WDFY3: variants seen among roughly 807,000 people sequenced by gnomAD.
WDFY3 encodes WD repeat and FYVE domain containing 3, also known as WD repeat and FYVE domain-containing protein 3.
In WDFY3, 66 loss-of-function variants were observed where a neutral mutation model predicts 409.6. The observed-to-expected ratio is 0.16, with a 90% confidence interval of 0.13 to 0.20. The LOEUF (loss-of-function observed/expected upper bound fraction) is 0.20, where lower values mean the gene tolerates loss of function less well. Among genes scored for constraint, WDFY3 ranks in the 10% least tolerant of loss-of-function variants. The pLI is 1.00. For missense variants in WDFY3, 3,031 were observed against 4,298.1 expected, an observed-to-expected ratio of 0.71 and a Z score of 8.24; for synonymous variants, 1,521 against 1,537.1, an observed-to-expected ratio of 0.99 and a Z score of 0.25.
At chr4:84,715,959 G>C (rs1410808403) in intron 49 of WDFY3, among the ~76,000 whole-genome samples, 2 of 151,286 alleles carry the variant, frequency 1.3e-5, no homozygotes, top group African/African-American at 4.8e-5. Context: ...TAAAATTATA[G>C]TAAGGATGTA....
intron 51 of WDFY3, among the ~76,000 whole-genome samples, chr4:84,711,982 A>G (rs1732980179): frequency 6.6e-6 from 1 of 152,120 alleles, no homozygotes; most frequent in African/African-American, 2.4e-5. Context: ...AAGAGCCTTA[A>G]AATTCCTACT....
rs868652354 is a variant in WDFY3 at position 84,794,429 on chromosome 4, G to A, written c.3487+90C>T. 3.1e-5 allele frequency: 39 copies of A among 1,248,478 alleles called. No individual in the cohort carries two copies. The African/African-American group carries it at 4.3e-4, about 14-fold the overall frequency. The allele number at this position is 1,248,478 out of a possible 1,614,324, so 77.3% of individuals were successfully genotyped here. A position where few individuals can be genotyped will look rare whatever the true frequency, so the allele number is the denominator to read the frequency against. The stretch of plus-strand genomic sequence containing the variant: ...ATGCTATAATAATTTAAGCTGAAAA[G>A]TTATTATTAGCTGGACTTTTAAAAT... On this transcript the variant is annotated intron_variant, in intron 21 of 67. Transcript: ENST00000295888.
chr4:84,674,810 G>A (rs1340355691), intron 67 of WDFY3, among the ~76,000 whole-genome samples: 4 of 149,582 alleles, frequency 2.7e-5, no homozygotes, highest in African/African-American at 9.9e-5. Flanking sequence ...GGAGGCTGCA[G>A]TGAGCCGAGA....
intron 19 of WDFY3, among the ~76,000 whole-genome samples, chr4:84,795,727 A>G (rs1435637011): frequency 2.0e-5 from 3 of 151,668 alleles, no homozygotes; most frequent in African/African-American, 7.3e-5. Context: ...GCGCCATTGC[A>G]CTCCAGCCTG....
Position 84,687,995 on chromosome 4 carries a change from C to T in WDFY3, c.9543+91G>A, listed in dbSNP as rs1728615733. On this transcript the variant is annotated intron_variant, in intron 62 of 67. Transcript: ENST00000295888. Reference sequence around the variant, plus strand: ...GGTAGCCTCCTGAGCAGCTGCAACTCAGACATGTTCCCCTGAGCCCCACCA... The same window carrying T: ...GGTAGCCTCCTGAGCAGCTGCAACTTAGACATGTTCCCCTGAGCCCCACCA... The T allele has an allele frequency of 7.9e-6, 11 of 1,393,380 alleles. No homozygotes were observed. In the Admixed American group the frequency reaches 1.1e-4, roughly 14 times the overall value. 86.3% of individuals were successfully genotyped at this position (1,393,380 alleles called of 1,614,324 possible). A position where few individuals can be genotyped will look rare whatever the true frequency, so the allele number is the denominator to read the frequency against.
At chr4:84,801,134 TACACATG>T (rs1200927677) in intron 17 of WDFY3, among the ~76,000 whole-genome samples, 2 of 152,182 alleles carry the variant, frequency 1.3e-5, no homozygotes, top group Non-Finnish European at 2.9e-5. Context: ...TACATGAATC[TACACATG>T]ATACAATAAC....
At chr4:84,932,188 C>T (rs1315425350) in intron 2 of WDFY3, 82 bp downstream of exon 2, 1 of 152,128 alleles carries the variant, frequency 6.6e-6, no homozygotes, top group Non-Finnish European at 1.5e-5. Context: ...ACTGGTCTTG[C>T]TGCTGCACAA....
intron 51 of WDFY3, among the ~76,000 whole-genome samples, chr4:84,709,658 A>G (rs1224088188): frequency 1.3e-5 from 2 of 152,222 alleles, no homozygotes; most frequent in Admixed American, 6.5e-5. Context: ...AATGTAATAT[A>G]TATTTTTTAC....
intron 32 of WDFY3, among the ~76,000 whole-genome samples, chr4:84,757,787 C>A (rs936222831): frequency 1.3e-5 from 2 of 152,014 alleles, no homozygotes; most frequent in Admixed American, 6.6e-5. Context: ...ATTTCATTGT[C>A]CTGAAAATCA....
intron 2 of WDFY3, among the ~76,000 whole-genome samples, chr4:84,930,063 C>T (rs887942353): frequency 7.9e-5 from 12 of 152,094 alleles, no homozygotes; most frequent in African/African-American, 2.4e-4. Context: ...GCAACACTGG[C>T]GTCAGACTTC....
chr4:84,833,661 AAAAAGAAAAG>A (rs1170304084), intron 7 of WDFY3, among the ~76,000 whole-genome samples: 68 of 149,956 alleles, frequency 4.5e-4, no homozygotes, highest in Middle Eastern at 3.4e-3. Context: ...CTCAAAAGAG[AAAAAGAAAAG>A]AAAAGAAAAG....
chr4:84,835,667 T>C (rs1756466633), intron 7 of WDFY3, among the ~76,000 whole-genome samples: 1 of 152,208 alleles, frequency 6.6e-6, no homozygotes, highest in Non-Finnish European at 1.5e-5. Flanking sequence ...CTTTCATCAC[T>C]AGCAGCTCTA....
At chr4:84,951,439 A>C (rs1333704851) in intron 1 of WDFY3, among the ~76,000 whole-genome samples, 1 of 152,218 alleles carries the variant, frequency 6.6e-6, no homozygotes, top group African/African-American at 2.4e-5. Context: ...CATCTTTAAA[A>C]ATTTTAAATA....
intron 7 of WDFY3, among the ~76,000 whole-genome samples, chr4:84,835,999 GT>G (rs1756519367): frequency 6.6e-6 from 1 of 152,100 alleles, no homozygotes; most frequent in African/African-American, 2.4e-5. Flanking sequence ...ATCTAAACAT[GT>G]TGTTTTTAAC....
chr4:84,685,090 A>G (rs1298260171), intron 62 of WDFY3, among the ~76,000 whole-genome samples: 1 of 152,208 alleles, frequency 6.6e-6, no homozygotes, highest in African/African-American at 2.4e-5. Flanking sequence ...TGCCTCTTTC[A>G]TTCCTAAGAT....
Position 84,739,132 on chromosome 4 carries a change from A to G in WDFY3, c.6465-13T>C. The G allele has an allele frequency of 6.2e-7, 1 of 1,613,544 alleles. No individual in the cohort carries two copies. Among genetic ancestry groups the G allele is most frequent in the Non-Finnish European group, 8.5e-7 (1 of 1,179,512 alleles). Reference sequence around the variant, plus strand: ...TCCATCCACGTTGCTGAAAAATTCCAGTCAGTTTAAACTTTATGAAGGAAA... The same window carrying G: ...TCCATCCACGTTGCTGAAAAATTCCGGTCAGTTTAAACTTTATGAAGGAAA... On this transcript the variant is annotated splice_polypyrimidine_tract_variant and intron_variant, in intron 39 of 67. Coordinates refer to ENST00000295888, the MANE Select transcript of WDFY3 (RefSeq NM_014991.6).
Position 84,755,344 on chromosome 4 carries a change from A to G in WDFY3, c.5481T>C (p.Thr1827=), listed in dbSNP as rs1741254224. 1.2e-6 allele frequency: 2 copies of G among 1,612,494 alleles called. No individual in the cohort carries two copies. The highest frequency in any genetic ancestry group is 8.5e-7 in the Non-Finnish European group (1 of 1,179,684). ...FIFGVPASSG[T]VVSSIHNVCT... ...ATACGTTATGGATAGAAGAGACCAC[A>G]GTTCCGCTGGAGGCAGGAACTCCAA... Residue 1827 remains threonine (T), a synonymous_variant, in exon 34 of 68, where the codon ACT becomes ACC. Coordinates refer to ENST00000295888, the MANE Select transcript of WDFY3 (RefSeq NM_014991.6).
chr4:84,755,223 C>T (rs772395284), intron 34 of WDFY3, 43 bp downstream of exon 34: 1 of 1,594,456 alleles, frequency 6.3e-7, no homozygotes, highest in Admixed American at 1.9e-5. Context: ...GTATCCTAGG[C>T]AGGAGGAATT....
chr4:84,785,579 T>G (rs1747408245), intron 24 of WDFY3, among the ~76,000 whole-genome samples: 1 of 152,168 alleles, frequency 6.6e-6, no homozygotes, highest in African/African-American at 2.4e-5. Context: ...TCCACTAGAA[T>G]GTAGGAAATA....
Sources: allele counts gnomAD v4.1 joint callset (sites outside exome capture counted in the v4.1 genomes callset), GRCh38; gene constraint gnomAD v4.1.1; transcripts MANE v1.5; gene names NCBI Gene and HGNC (gene_info 2026-07-23, HGNC 2026-07-21).